The following TNNT2 variants were observed in gnomAD, a reference collection of about 807,000 sequenced individuals.
The protein encoded by TNNT2 is troponin T2, cardiac type.
A neutral mutation model predicts 62.4 loss-of-function variants in TNNT2; 34 were observed. The ratio of observed to expected loss-of-function variants is 0.54; its 90% CI spans 0.41 to 0.72. The LOEUF is 0.72. TNNT2 is among the 30% of genes least tolerant of loss of function. TNNT2 has a pLI of 0.00. For synonymous variants in TNNT2, 123 were observed against 127.2 expected, an observed-to-expected ratio of 0.97 and a Z score of 0.22; for missense variants, 275 against 381.9, an observed-to-expected ratio of 0.72 and a Z score of 2.33.
Position 201,374,594 on chromosome 1 carries a change from T to C in TNNT2, c.-14-1326A>G, listed in dbSNP as rs928646493. 12 of 152,256 alleles carry C rather than the reference T, an allele frequency of 7.9e-5. No homozygotes were observed. In the East Asian group the frequency reaches 2.3e-3, roughly 29 times the overall value. The allele number at this position is 152,256 out of a possible 1,614,324, so 9.4% of individuals were successfully genotyped here. A position where few individuals can be genotyped will look rare whatever the true frequency, so the allele number is the denominator to read the frequency against. ...GTGAGACTAATCTCGTTTTGAATGC[T>C]GGCTCCAGCATGCGTTTGCCTGCGA... On this transcript the variant is annotated intron_variant, in intron 1 of 16. Coordinates refer to ENST00000656932, the MANE Select transcript of TNNT2 (RefSeq NM_001276345.2).
At chr1:201,362,505 T>C (rs1395208316) in intron 12 of TNNT2, 111 bp from the exon 13 acceptor site, 10 of 1,384,470 alleles carry the variant, frequency 7.2e-6, no homozygotes, top group Non-Finnish European at 1.0e-5. Flanking sequence ...GAAGAGAAGA[T>C]TCAGATACTC....
intron 12 of TNNT2, among the ~76,000 whole-genome samples, chr1:201,362,700 A>G (rs1375837781): frequency 6.6e-6 from 1 of 152,158 alleles, no homozygotes; most frequent in African/African-American, 2.4e-5. Context: ...TGATTCCTTC[A>G]CTACCTAGAG....
chr1:201,365,566 A>G (rs1340124924), intron 9 of TNNT2, 44 bp downstream of exon 9: 2 of 1,600,020 alleles, frequency 1.2e-6, no homozygotes, highest in African/African-American at 1.3e-5. Context: ...GGCCCTTGGG[A>G]CTATCCCCAG....
chr1:201,372,207 C>A, intron 2 of TNNT2, 52 bp from the exon 3 acceptor site: 1 of 1,613,044 alleles, frequency 6.2e-7, no homozygotes, highest in East Asian at 2.2e-5. Context: ...CACATGCAAA[C>A]ACACACGCCT....
At chr1:201,372,227 T>A in intron 2 of TNNT2, 72 bp from the exon 3 acceptor site, 5 of 1,603,146 alleles carry the variant, frequency 3.1e-6, no homozygotes, top group Non-Finnish European at 4.3e-6. Flanking sequence ...TGCACACACA[T>A]GCACACACTG....
intron 5 of TNNT2, chr1:201,369,458 A>G (rs10920183): frequency 0.59 from 289,679 of 489,544 alleles, 88,370 homozygotes; most frequent in Admixed American, 0.68. Flanking sequence ...CCCAGCATGG[A>G]ACACTGGGGT....
At chr1:201,363,889 CT>C (rs5780083) in intron 11 of TNNT2, 102,125 of 170,986 alleles carry the variant, frequency 0.6, 27,969 homozygotes, top group Admixed American at 0.66. Context: ...CTTTTTTTTC[CT>C]TTTTTTTTTT....
intron 15 of TNNT2, chr1:201,361,024 CCCCAGGGTTGGAACA>C: frequency 1.8e-6 from 1 of 544,664 alleles, no homozygotes; most frequent in Non-Finnish European, 3.3e-6. Context: ...TGTTGGAGAC[CCCCAGGGTTGGAACA>C]CCAGGAAAGT....
chr1:201,362,930 G>A lies in TNNT2; in HGVS notation c.600+366C>T, dbSNP rs147248219. Among the ~76,000 whole-genome samples the A allele has an allele frequency of 7.2e-3, 1,096 of 152,276 alleles. 7 individuals are homozygous for A. The highest frequency in any genetic ancestry group is 0.012 in the Non-Finnish European group (850 of 68,012). ...AACCGAGGCTCAGAGGTTGCAAAAG[G>A]TCACACAACTGTATGTGGCAGAGCT... On this transcript the variant is annotated intron_variant, in intron 12 of 16. Coordinates refer to ENST00000656932, the MANE Select transcript of TNNT2 (RefSeq NM_001276345.2).
At chr1:201,373,793 G>T (rs1425914619) in intron 1 of TNNT2, 3 of 198,268 alleles carry the variant, frequency 1.5e-5, no homozygotes, top group Non-Finnish European at 3.1e-5. Flanking sequence ...AGGCTGTTTC[G>T]AACTCCCAGG....
intron 8 of TNNT2, 48 bp from the exon 9 acceptor site, chr1:201,365,718 G>T: frequency 6.2e-7 from 1 of 1,605,764 alleles, no homozygotes; most frequent in Non-Finnish European, 8.5e-7. Flanking sequence ...TGGACCCAGG[G>T]ACTGAGGGTG....
At chr1:201,373,713 A>C in intron 1 of TNNT2, 1 of 252,270 alleles carries the variant, frequency 4.0e-6, no homozygotes. Flanking sequence ...TGCTGGGACT[A>C]TAGTTGTGCA....
intron 4 of TNNT2, among the ~76,000 whole-genome samples, chr1:201,370,162 T>C (rs1018486382): frequency 2.6e-5 from 4 of 152,192 alleles, no homozygotes; most frequent in East Asian, 1.9e-4. Flanking sequence ...ATGCGATCTG[T>C]GGTAACTGCA....
At chr1:201,375,541 A>G (rs890347528) in intron 1 of TNNT2, among the ~76,000 whole-genome samples, 1 of 152,152 alleles carries the variant, frequency 6.6e-6, no homozygotes, top group Non-Finnish European at 1.5e-5. Flanking sequence ...CATTCTGCTG[A>G]AAAAAAGACT....
At position 201,362,020 on chromosome 1, in the gene TNNT2, T is replaced by A. The variant is rs1198625873; in HGVS notation, c.612A>T (p.Thr204=). 1 of 1,614,162 alleles carries A rather than the reference T, an allele frequency of 6.2e-7. No individual in the cohort carries two copies. Among genetic ancestry groups the A allele is most frequent in the Non-Finnish European group, 8.5e-7 (1 of 1,180,020 alleles). ...TCTGCCTCTTCCCACTTTTCCGCTC[T>A]GTCTGGAGGGTGTGGGAAGCAGAGT... The part of the protein sequence containing the change: ...FGGYIQKQAQ[T]ERKSGKRQTE... The change falls in exon 14 of 17, where the codon ACA becomes ACT. Residue 204 remains threonine (T), a splice_region_variant and synonymous_variant. Transcript: ENST00000656932.
chr1:201,361,372 G>A lies in TNNT2; in HGVS notation c.720-3C>T, dbSNP rs373092494. 2 of 1,613,496 alleles carry A rather than the reference G, an allele frequency of 1.2e-6. No individual in the cohort carries two copies. Among genetic ancestry groups the A allele is most frequent in the African/African-American group, 2.7e-5 (2 of 74,894 alleles). ...GCCACAGCTCCTTGGCCTTCTCCCT[G>A]CACGGGCAAGGGTGAGAATGGGGAG... On this transcript the variant is annotated splice_region_variant and splice_polypyrimidine_tract_variant and intron_variant, in intron 14 of 16. Transcript: ENST00000656932.
intron 4 of TNNT2, among the ~76,000 whole-genome samples, chr1:201,370,851 G>T (rs187913983): frequency 6.6e-6 from 1 of 152,194 alleles, no homozygotes; most frequent in Non-Finnish European, 1.5e-5. Context: ...ACAAAGGAAG[G>T]GATATCATAT....
intron 9 of TNNT2, 74 bp from the exon 10 acceptor site, chr1:201,365,381 C>A: frequency 7.3e-7 from 1 of 1,375,110 alleles, no homozygotes; most frequent in South Asian, 1.2e-5. Context: ...GGCTAGACAC[C>A]CCCCAACGCA....
At position 201,362,383 on chromosome 1, in the gene TNNT2, C is replaced by T. The variant is rs997358710; in HGVS notation, c.609+3G>A. On this transcript the variant is annotated splice_donor_region_variant and intron_variant, in intron 13 of 16. Coordinates refer to ENST00000656932, the MANE Select transcript of TNNT2 (RefSeq NM_001276345.2). ...AAGAAGGCTTGAGGTTTTTGGTACC[C>T]ACCTGGGCCTGCTAAACCGGGAAAC... 1.9e-6 allele frequency: 3 copies of T among 1,613,740 alleles called. No individual in the cohort carries two copies. Among genetic ancestry groups the T allele is most frequent in the African/African-American group, 2.7e-5 (2 of 74,886 alleles).
Sources: gnomAD v4.1 joint callset for allele counts (sites outside exome capture counted in the v4.1 genomes callset) on GRCh38, gnomAD v4.1.1 for gene constraint, MANE v1.5 for transcripts, NCBI Gene and HGNC (gene_info 2026-07-23, HGNC 2026-07-21) for gene names.